LRRC4C: variants seen among roughly 807,000 people sequenced by gnomAD.
The protein encoded by LRRC4C is leucine-rich repeat-containing protein 4C.
LRRC4C carries 5 observed loss-of-function variants against 33.6 expected under a neutral mutation model. The observed-to-expected ratio is 0.15, with a 90% CI of 0.08 to 0.31. LRRC4C has a LOEUF of 0.31. Among genes scored for constraint, LRRC4C ranks in the 10% least tolerant of loss-of-function variants. The pLI, the probability that LRRC4C is intolerant of heterozygous loss-of-function variation, is 1.00. For synonymous variants in LRRC4C, 329 were observed against 302.0 expected (o/e 1.09, Z -0.93); for missense variants, 560 against 796.7 (o/e 0.70, Z 3.58).
chr11:40,366,651 T>C (rs1021173980), intron 3 of LRRC4C, among the ~76,000 whole-genome samples: 1 of 152,060 alleles, frequency 6.6e-6, no homozygotes, highest in Non-Finnish European at 1.5e-5. Context: ...TAAATTTAAA[T>C]GCTGTATATA....
rs116807987 is a variant in LRRC4C, at chr11:40,999,267, A to C, written c.-495-65544T>G. Among the ~76,000 whole-genome samples the C allele has an allele frequency of 2.2e-3, 335 of 151,756 alleles. 1 individual carries two copies. The highest frequency in any genetic ancestry group is 7.9e-3 in the African/African-American group (326 of 41,188). On this transcript the variant is annotated intron_variant, in intron 1 of 6. Coordinates refer to ENST00000528697, the MANE Select transcript of LRRC4C (RefSeq NM_001258419.2). ...CTCGCTCACACTGTGTCTAGCCCCC[A>C]CCTCTGTAGAGATTTCTAACTCCTA...
chr11:40,671,514 A>T (rs1944108346), intron 2 of LRRC4C, among the ~76,000 whole-genome samples: 1 of 152,080 alleles, frequency 6.6e-6, no homozygotes, highest in South Asian at 2.1e-4. Flanking sequence ...TTGTTGCAGC[A>T]TCATTGGCCA....
chr11:41,046,432 T>C lies in LRRC4C; in HGVS notation c.-495-112709A>G, dbSNP rs568680785. ...AACACTTGCTCAGAGACCACAGATG[T>C]GCTATGTGGCCAACTCTACTGATAT... On this transcript the variant is annotated intron_variant, in intron 1 of 6. Coordinates refer to ENST00000528697, the MANE Select transcript of LRRC4C (RefSeq NM_001258419.2). Among the ~76,000 whole-genome samples the C allele has an allele frequency of 6.6e-5, 10 of 152,240 alleles. No individual in the cohort carries two copies. The East Asian group carries it at 1.5e-3, about 24-fold the overall frequency.
At chr11:41,142,749 C>T (rs569023536) in intron 1 of LRRC4C, among the ~76,000 whole-genome samples, 2 of 151,982 alleles carry the variant, frequency 1.3e-5, no homozygotes, top group East Asian at 1.9e-4. Context: ...TGTTTTGATG[C>T]AAAAGAGAGA....
At chr11:40,340,278 T>G (rs528985041) in intron 3 of LRRC4C, among the ~76,000 whole-genome samples, 17 of 152,222 alleles carry the variant, frequency 1.1e-4, no homozygotes, top group African/African-American at 4.1e-4. Flanking sequence ...GTCAGAAACA[T>G]GAGAAGTTCA....
At chr11:40,418,182 A>T (rs1472450669) in intron 3 of LRRC4C, among the ~76,000 whole-genome samples, 1 of 152,180 alleles carries the variant, frequency 6.6e-6, no homozygotes, top group Non-Finnish European at 1.5e-5. Flanking sequence ...TACAGAGTGG[A>T]AGAAAATTTT....
chr11:41,212,200 T>TTATTTTTA (rs1946852477), intron 1 of LRRC4C, among the ~76,000 whole-genome samples: 1 of 152,212 alleles, frequency 6.6e-6, no homozygotes, highest in African/African-American at 2.4e-5. Context: ...CTAATCAATA[T>TTATTTTTA]TATTTTTATC....
At position 40,356,402 on chromosome 11, in the gene LRRC4C, A is replaced by G. The variant is rs1947673073; in HGVS notation, c.-269-36681T>C. ...TATTAAGCATTTGTTTAAAAAAGATACTTATATTAACTCATCTATTTCTCA... is the reference window on the plus strand; with the variant it reads ...TATTAAGCATTTGTTTAAAAAAGATGCTTATATTAACTCATCTATTTCTCA... On this transcript the variant is annotated intron_variant, in intron 3 of 6. Coordinates refer to ENST00000528697, the MANE Select transcript of LRRC4C (RefSeq NM_001258419.2). Among the ~76,000 whole-genome samples, 3 of 152,180 alleles carry G rather than the reference A, an allele frequency of 2.0e-5. No homozygotes were observed. The South Asian group carries it at 6.2e-4, about 31-fold the overall frequency.
intron 1 of LRRC4C, among the ~76,000 whole-genome samples, chr11:41,306,871 C>T (rs1297627722): frequency 6.6e-6 from 1 of 151,954 alleles, no homozygotes; most frequent in Non-Finnish European, 1.5e-5. Context: ...TGGCTTTCTT[C>T]GAAAAATTAA....
At chr11:40,288,189 G>A (rs1943971577) in intron 4 of LRRC4C, among the ~76,000 whole-genome samples, 1 of 152,156 alleles carries the variant, frequency 6.6e-6, no homozygotes, top group African/African-American at 2.4e-5. Context: ...GTGGGAAGCT[G>A]AGTATTTGAA....
At chr11:40,131,802 A>G (rs1856662140) in intron 6 of LRRC4C, among the ~76,000 whole-genome samples, 1 of 152,230 alleles carries the variant, frequency 6.6e-6, no homozygotes, top group Non-Finnish European at 1.5e-5. Context: ...TAAAGTCCGT[A>G]TATGGAGAAT....
intron 3 of LRRC4C, among the ~76,000 whole-genome samples, chr11:40,610,803 T>C (rs971435024): frequency 5.9e-5 from 9 of 151,728 alleles, no homozygotes; most frequent in African/African-American, 4.8e-5. Flanking sequence ...ATGCTTAGCA[T>C]TGAAATTTAC....
chr11:40,277,648 A>C (rs1273395276), intron 4 of LRRC4C, among the ~76,000 whole-genome samples: 1 of 152,110 alleles, frequency 6.6e-6, no homozygotes, highest in Non-Finnish European at 1.5e-5. Context: ...GGCTTGACCA[A>C]GGGTTCAAAG....
intron 1 of LRRC4C, among the ~76,000 whole-genome samples, chr11:40,958,578 C>T (rs912470166): frequency 2.0e-5 from 3 of 151,610 alleles, no homozygotes; most frequent in Non-Finnish European, 3.0e-5. Flanking sequence ...GCATAAACTC[C>T]TTGGATGAAG....
At chr11:40,703,367 C>T (rs529473370) in intron 2 of LRRC4C, among the ~76,000 whole-genome samples, 1 of 152,174 alleles carries the variant, frequency 6.6e-6, no homozygotes, top group Admixed American at 6.5e-5. Context: ...GAAAATGTAA[C>T]TTGTGTTCAG....
At chr11:40,579,698 C>A (rs1958380493) in intron 3 of LRRC4C, among the ~76,000 whole-genome samples, 1 of 151,932 alleles carries the variant, frequency 6.6e-6, no homozygotes, top group Non-Finnish European at 1.5e-5. Flanking sequence ...GCTCTCCAAG[C>A]CAAAAAGGAA....
chr11:40,729,990 T>C (rs1170887630), intron 2 of LRRC4C, among the ~76,000 whole-genome samples: 4 of 151,830 alleles, frequency 2.6e-5, no homozygotes, highest in Non-Finnish European at 5.9e-5. Context: ...TCATTCTCAG[T>C]AAACTATCAC....
At chr11:40,251,419 T>G (rs566852602) in intron 4 of LRRC4C, among the ~76,000 whole-genome samples, 1 of 152,226 alleles carries the variant, frequency 6.6e-6, no homozygotes, top group South Asian at 2.1e-4. Context: ...GAAGTTCCTT[T>G]TGTGCCCACT....
At chr11:41,320,920 T>A (rs1428664391) in intron 1 of LRRC4C, among the ~76,000 whole-genome samples, 1 of 152,172 alleles carries the variant, frequency 6.6e-6, no homozygotes, top group Non-Finnish European at 1.5e-5. Context: ...TCCAGGCTAC[T>A]AAGCAACTCT....
Sources: gnomAD v4.1 joint callset for allele counts (sites outside exome capture counted in the v4.1 genomes callset) on GRCh38, gnomAD v4.1.1 for gene constraint, MANE v1.5 for transcripts, NCBI Gene and HGNC (gene_info 2026-07-23, HGNC 2026-07-21) for gene names.